Variants in MAST4 observed in about 807,000 individuals in gnomAD.
MAST4 encodes microtubule-associated serine/threonine-protein kinase 4.
In MAST4, 89 loss-of-function variants were observed where a neutral mutation model predicts 162.7. The ratio of observed to expected loss-of-function variants is 0.55; its 90% CI spans 0.46 to 0.65. MAST4 has a LOEUF of 0.65. Among genes scored for constraint, MAST4 ranks in the 30% least tolerant of loss-of-function variants. The probability of loss-of-function intolerance (pLI) is 0.00; values close to 1 mark genes in which losing one functional copy is unlikely to be tolerated. For missense variants in MAST4, 3,153 were observed against 3,374.0 expected (o/e 0.93, Z 1.62); for synonymous variants, 1,479 against 1,361.1 (o/e 1.09, Z -1.91).
chr5:66,804,441 G>A (rs1305130146), intron 3 of MAST4, among the ~76,000 whole-genome samples: 1 of 152,116 alleles, frequency 6.6e-6, no homozygotes, highest in Non-Finnish European at 1.5e-5. Context: ...TCTTCCCGTG[G>A]GACCCAGGTG....
intron 4 of MAST4, among the ~76,000 whole-genome samples, chr5:67,026,817 C>A (rs1754705271): frequency 6.6e-6 from 1 of 151,998 alleles, no homozygotes; most frequent in South Asian, 2.1e-4. Context: ...ACTCATGGAG[C>A]CTGACACAGA....
intron 1 of MAST4, among the ~76,000 whole-genome samples, chr5:66,624,755 A>G (rs1167432784): frequency 1.3e-5 from 2 of 152,240 alleles, no homozygotes; most frequent in African/African-American, 4.8e-5. Flanking sequence ...TTTATGGTCA[A>G]CAATTTCTGT....
chr5:67,078,744 A>G (rs1581468567), intron 5 of MAST4, among the ~76,000 whole-genome samples: 1 of 131,416 alleles, frequency 7.6e-6, no homozygotes, highest in East Asian at 2.1e-4. Flanking sequence ...ATCTAAATAT[A>G]TATTTATTTA....
chr5:66,965,458 G>T (rs1036156162), intron 4 of MAST4, among the ~76,000 whole-genome samples: 1 of 151,610 alleles, frequency 6.6e-6, no homozygotes, highest in Non-Finnish European at 1.5e-5. Context: ...ATTAGATTCA[G>T]TGCTAAGGTA....
intron 4 of MAST4, among the ~76,000 whole-genome samples, chr5:67,049,582 A>C (rs1757918855): frequency 6.6e-6 from 1 of 152,044 alleles, no homozygotes; most frequent in Admixed American, 6.6e-5. Flanking sequence ...CTCCTGTGCA[A>C]ATTTATCAAA....
chr5:67,002,617 T>G (rs996195096), intron 4 of MAST4, among the ~76,000 whole-genome samples: 5 of 152,220 alleles, frequency 3.3e-5, no homozygotes, highest in Non-Finnish European at 7.3e-5. Context: ...TCTTAGCTTC[T>G]GTATACTGCC....
chr5:67,104,680 G>C, intron 10 of MAST4, 105 bp downstream of exon 10: 10 of 607,122 alleles, frequency 1.6e-5, no homozygotes, highest in South Asian at 3.0e-5. Context: ...TCACATTCCA[G>C]AGAAGCAAAA....
At chr5:66,666,485 T>C (rs1747266011) in intron 1 of MAST4, among the ~76,000 whole-genome samples, 1 of 152,224 alleles carries the variant, frequency 6.6e-6, no homozygotes, top group African/African-American at 2.4e-5. Flanking sequence ...AAATGGAGTA[T>C]TCATTGTTGC....
chr5:66,627,591 T>G (rs1318253144), intron 1 of MAST4, among the ~76,000 whole-genome samples: 1 of 152,184 alleles, frequency 6.6e-6, no homozygotes, highest in East Asian at 1.9e-4. Context: ...ATAATTAAAC[T>G]CAGCATATAC....
intron 9 of MAST4, among the ~76,000 whole-genome samples, chr5:67,103,452 G>T (rs1765256905): frequency 6.6e-6 from 1 of 152,162 alleles, no homozygotes; most frequent in South Asian, 2.1e-4. Flanking sequence ...CATGTCACTT[G>T]CTCACCAGGG....
chr5:66,714,165 AC>A (rs1369003845), intron 1 of MAST4, among the ~76,000 whole-genome samples: 1 of 152,122 alleles, frequency 6.6e-6, no homozygotes, highest in Non-Finnish European at 1.5e-5. Flanking sequence ...CAGATGACTC[AC>A]CCAAGCTGCT....
At chr5:66,901,499 C>A (rs1035850984) in intron 4 of MAST4, among the ~76,000 whole-genome samples, 1 of 151,974 alleles carries the variant, frequency 6.6e-6, no homozygotes, top group Non-Finnish European at 1.5e-5. Flanking sequence ...ATTTAAGTTT[C>A]TTTATTTGAG....
intron 1 of MAST4, among the ~76,000 whole-genome samples, chr5:66,612,937 A>G (rs959393000): frequency 1.3e-5 from 2 of 152,232 alleles, no homozygotes; most frequent in African/African-American, 4.8e-5. Flanking sequence ...TTTGTATCTA[A>G]TTAAAAATTA....
chr5:66,698,516 G>A lies in MAST4; in HGVS notation c.364-61193G>A, dbSNP rs182956333. On this transcript the variant is annotated intron_variant, in intron 1 of 28. Transcript: ENST00000403625. ...AGTCTATGGAGGTTGGAGTAGTTTG[G>A]TGTTTTATTCTTGGCTCTCTCCTCC... Among the ~76,000 whole-genome samples the A allele has an allele frequency of 3.3e-3, 507 of 152,116 alleles. 1 individual carries two copies. Among genetic ancestry groups the A allele is most frequent in the African/African-American group, 0.011 (475 of 41,478 alleles).
chr5:67,048,964 A>G (rs1757705483), intron 4 of MAST4, among the ~76,000 whole-genome samples: 1 of 141,526 alleles, frequency 7.1e-6, no homozygotes, highest in Non-Finnish European at 1.5e-5. Flanking sequence ...GTGGTTATAC[A>G]TATAGCATAT....
At chr5:66,927,792 A>G (rs1041056669) in intron 4 of MAST4, among the ~76,000 whole-genome samples, 2 of 152,132 alleles carry the variant, frequency 1.3e-5, no homozygotes, top group Non-Finnish European at 2.9e-5. Flanking sequence ...GAACAACAGA[A>G]ATTTATTATC....
rs377707292 is a variant in MAST4 at position 66,722,667 on chromosome 5, A to G, written c.364-37042A>G. Among the ~76,000 whole-genome samples, 481 of 152,296 alleles carry G rather than the reference A, an allele frequency of 3.2e-3. 2 individuals are homozygous for G. The highest frequency in any genetic ancestry group is 0.011 in the African/African-American group (457 of 41,564). On this transcript the variant is annotated intron_variant, in intron 1 of 28. Transcript: ENST00000403625. ...TCAAATAAATGAGTGAATTAAGGCT[A>G]TGATTTTGCTGCGAGAAATATTGGC... is the stretch of plus-strand genomic sequence containing the variant.
intron 4 of MAST4, chr5:67,005,146 G>C: frequency 1.4e-6 from 1 of 720,264 alleles, no homozygotes; most frequent in East Asian, 2.7e-5. Flanking sequence ...GGGCCCACAG[G>C]CGGAGCTGCC....
intron 1 of MAST4, among the ~76,000 whole-genome samples, chr5:66,684,084 T>C (rs1338199242): frequency 6.6e-6 from 1 of 152,240 alleles, no homozygotes; most frequent in Non-Finnish European, 1.5e-5. Context: ...CCGTCTATTT[T>C]AAAAGACATA....
Sources: gnomAD v4.1 joint callset for allele counts (sites outside exome capture counted in the v4.1 genomes callset) on GRCh38, gnomAD v4.1.1 for gene constraint, MANE v1.5 for transcripts, NCBI Gene and HGNC (gene_info 2026-07-23, HGNC 2026-07-21) for gene names.